Variants in RTL4 observed in about 807,000 individuals in gnomAD.
The protein encoded by RTL4 is retrotransposon Gag-like protein 4.
In RTL4, 4 loss-of-function variants were observed where a neutral mutation model predicts 5.3. The ratio of observed to expected loss-of-function variants is 0.75; its 90% CI spans 0.37 to 1.72. The LOEUF (loss-of-function observed/expected upper bound fraction) is 1.72, where lower values mean the gene tolerates loss of function less well. RTL4 is among the 40% of genes most tolerant of loss of function. The pLI is 0.04. For missense variants in RTL4, 260 were observed against 227.1 expected (o/e 1.14, Z -0.93); for synonymous variants, 98 against 87.3 (o/e 1.12, Z -0.68).
At chrX:112,318,933 G>A in the RTL4 span, among the ~76,000 whole-genome samples, 1 of 111,699 alleles carries the variant, frequency 9.0e-6, no homozygotes. Flanking sequence ...AAGATGAGGG[G>A]AGAGGGAGAG....
chrX:112,292,189 C>T, the RTL4 span, among the ~76,000 whole-genome samples: 1 of 111,508 alleles, frequency 9.0e-6, no homozygotes, highest in Admixed American at 9.6e-5. Context: ...CTGAAAATAC[C>T]AAATGTGTTT....
At chrX:112,115,280 C>A in the RTL4 span, among the ~76,000 whole-genome samples, 1 of 111,455 alleles carries the variant, frequency 9.0e-6, no homozygotes, top group Non-Finnish European at 1.9e-5. Flanking sequence ...TCTCAAAAAA[C>A]CTGCACCCTT....
At chrX:112,086,484 A>T in the RTL4 span, among the ~76,000 whole-genome samples, 2 of 112,546 alleles carry the variant, frequency 1.8e-5, no homozygotes, top group Admixed American at 9.4e-5. Context: ...AACACTCAGC[A>T]CTATCTCTAC....
the RTL4 span, among the ~76,000 whole-genome samples, chrX:112,385,812 A>T: frequency 4.4e-3 from 496 of 112,104 alleles, 5 homozygotes; most frequent in African/African-American, 0.015. Flanking sequence ...GCAAAAAAAA[A>T]TTTTGCTCCA....
the RTL4 span, among the ~76,000 whole-genome samples, chrX:112,256,224 A>T: frequency 8.9e-6 from 1 of 112,214 alleles, no homozygotes; most frequent in Non-Finnish European, 1.9e-5. Flanking sequence ...ATTTGTTCAA[A>T]CATTATGAAA....
the RTL4 span, chrX:112,381,369 T>C: frequency 8.3e-7 from 1 of 1,207,459 alleles, no homozygotes; most frequent in Non-Finnish European, 1.1e-6. Flanking sequence ...GAGACAAGCC[T>C]TAAAGAAAAG....
the RTL4 span, among the ~76,000 whole-genome samples, chrX:112,225,107 C>G: frequency 8.9e-6 from 1 of 112,028 alleles, no homozygotes; most frequent in Middle Eastern, 4.6e-3. Context: ...GGTCACAATA[C>G]TAATAAGTGG....
At chrX:112,304,274 AGGC>A in the RTL4 span, among the ~76,000 whole-genome samples, 2 of 110,874 alleles carry the variant, frequency 1.8e-5, no homozygotes, top group African/African-American at 6.6e-5. Context: ...ACTACTCCAA[AGGC>A]ACCAGCCATT....
chrX:112,232,575 C>T, the RTL4 span, among the ~76,000 whole-genome samples: 3 of 111,749 alleles, frequency 2.7e-5, no homozygotes, highest in African/African-American at 6.5e-5. Context: ...TAAGAGTCAA[C>T]CCTTATTCAG....
the RTL4 span, among the ~76,000 whole-genome samples, chrX:112,371,647 C>G: frequency 9.0e-6 from 1 of 111,512 alleles, no homozygotes; most frequent in Non-Finnish European, 1.9e-5. Context: ...GTTAATTTCT[C>G]CTTCTCAGAT....
chrX:112,422,107 T>A, the RTL4 span, among the ~76,000 whole-genome samples: 3 of 112,407 alleles, frequency 2.7e-5, no homozygotes, highest in South Asian at 7.3e-4. Flanking sequence ...ATTTATGAAG[T>A]GTTTTCATAA....
At chrX:112,277,065 G>T in the RTL4 span, among the ~76,000 whole-genome samples, 2 of 111,829 alleles carry the variant, frequency 1.8e-5, no homozygotes, top group Non-Finnish European at 3.8e-5. Context: ...GGGGCTCAAG[G>T]TGCTGGTAAA....
At chrX:112,275,871 G>T in the RTL4 span, among the ~76,000 whole-genome samples, 1 of 111,785 alleles carries the variant, frequency 8.9e-6, no homozygotes, top group African/African-American at 3.3e-5. Flanking sequence ...GGAGTTCAAG[G>T]CTACAGTGTG....
chrX:112,450,561 T>C (rs1308145000), upstream of RTL4, among the ~76,000 whole-genome samples: 2 of 111,556 alleles, frequency 1.8e-5, no homozygotes, highest in Non-Finnish European at 3.8e-5. Flanking sequence ...ATTTCCAAAA[T>C]GAAGAGGCAA....
chrX:112,263,811 G>A, the RTL4 span, among the ~76,000 whole-genome samples: 1 of 111,743 alleles, frequency 8.9e-6, no homozygotes, highest in Non-Finnish European at 1.9e-5. Flanking sequence ...GGTGATGGAT[G>A]TATTAATTAC....
At chrX:112,361,071 C>T in the RTL4 span, among the ~76,000 whole-genome samples, 3 of 111,524 alleles carry the variant, frequency 2.7e-5, no homozygotes, top group African/African-American at 9.8e-5. Flanking sequence ...AGAAAGAAAA[C>T]ATTCACAGCA....
chrX:112,304,825 C>T, the RTL4 span, among the ~76,000 whole-genome samples: 1 of 109,051 alleles, frequency 9.2e-6, no homozygotes, highest in Non-Finnish European at 1.9e-5. Flanking sequence ...TGCCCCCTTT[C>T]CTCATGCTTC....
At chrX:112,201,973 T>TTGTGTG in the RTL4 span, among the ~76,000 whole-genome samples, 1,671 of 103,385 alleles carry the variant, frequency 0.016, 26 homozygotes, top group African/African-American at 0.036. Flanking sequence ...TTGTGTGTGT[T>TTGTGTG]TGTGTGTGTG....
the RTL4 span, among the ~76,000 whole-genome samples, chrX:112,331,644 C>A: frequency 4.6e-5 from 5 of 107,571 alleles, no homozygotes; most frequent in African/African-American, 1.7e-4. Context: ...TTGACCCAGC[C>A]ATGCCATTAC....
Sources: gnomAD v4.1 joint callset for allele counts (sites outside exome capture counted in the v4.1 genomes callset) on GRCh38, gnomAD v4.1.1 for gene constraint, MANE v1.5 for transcripts, NCBI Gene and HGNC (gene_info 2026-07-23, HGNC 2026-07-21) for gene names.